Variants in MAGI2 observed in about 807,000 individuals in gnomAD.
MAGI2 encodes the protein membrane associated guanylate kinase, WW and PDZ domain containing 2, also known as membrane-associated guanylate kinase, WW and PDZ domain-containing protein 2.
A neutral mutation model predicts 133.3 loss-of-function variants in MAGI2; 35 were observed. That is an observed-to-expected ratio of 0.26 (90% CI 0.20 to 0.35). MAGI2 has a LOEUF of 0.35. MAGI2 is among the 10% of genes least tolerant of loss of function. MAGI2 has a pLI of 1.00. For missense variants in MAGI2, 1,636 were observed against 1,863.4 expected, an observed-to-expected ratio of 0.88 and a Z score of 2.25; for synonymous variants, 729 against 710.6, an observed-to-expected ratio of 1.03 and a Z score of -0.41.
intron 3 of MAGI2, among the ~76,000 whole-genome samples, chr7:78,626,657 A>G (rs985431713): frequency 3.3e-5 from 5 of 152,052 alleles, no homozygotes; most frequent in Admixed American, 6.6e-5. Context: ...AATTTCGTGT[A>G]GGAGGAAACT....
At chr7:78,844,355 A>G (rs1792402627) in intron 2 of MAGI2, among the ~76,000 whole-genome samples, 3 of 151,842 alleles carry the variant, frequency 2.0e-5, no homozygotes, top group South Asian at 4.1e-4. Flanking sequence ...CTTGTATGTG[A>G]ATGTTCATAG....
At chr7:78,953,917 C>T (rs1445311293) in intron 2 of MAGI2, among the ~76,000 whole-genome samples, 1 of 152,110 alleles carries the variant, frequency 6.6e-6, no homozygotes, top group African/African-American at 2.4e-5. Flanking sequence ...GGAATGATGA[C>T]TTAAATGTTT....
At chr7:78,965,017 A>C (rs2115855151) in intron 2 of MAGI2, among the ~76,000 whole-genome samples, 1 of 152,010 alleles carries the variant, frequency 6.6e-6, no homozygotes, top group African/African-American at 2.4e-5. Context: ...TTAGTGGATA[A>C]AAAAGAGAAA....
At chr7:79,258,987 T>C (rs946175967) in intron 1 of MAGI2, among the ~76,000 whole-genome samples, 5 of 152,220 alleles carry the variant, frequency 3.3e-5, no homozygotes, top group African/African-American at 4.8e-5. Flanking sequence ...ACAGCTGTGA[T>C]GGCTGCTACA....
intron 21 of MAGI2, among the ~76,000 whole-genome samples, chr7:78,057,621 T>C (rs1045688199): frequency 6.6e-6 from 1 of 152,178 alleles, no homozygotes; most frequent in African/African-American, 2.4e-5. Context: ...TTTCTTATGC[T>C]TGTTGGCCAT....
chr7:78,863,173 T>C (rs1377462051), intron 2 of MAGI2, among the ~76,000 whole-genome samples: 3 of 152,192 alleles, frequency 2.0e-5, no homozygotes, highest in Non-Finnish European at 4.4e-5. Context: ...ATGGAACACA[T>C]AAGAAACAGA....
At chr7:78,344,080 A>G in intron 8 of MAGI2, 120 bp from the exon 9 acceptor site, 1 of 745,830 alleles carries the variant, frequency 1.3e-6, no homozygotes, top group South Asian at 2.0e-5. Context: ...GGTCTTATAC[A>G]GCAAATGCAA....
Position 78,737,377 on chromosome 7 carries a change from T to C in MAGI2, c.419-110138A>G, listed in dbSNP as rs117237477. On this transcript the variant is annotated intron_variant, in intron 2 of 21. Transcript: ENST00000354212. ...AAAATGCAAGATACACCATTGGAAT[T>C]AAATTTAACTGAGTACAAAAAATAA... Among the ~76,000 whole-genome samples the C allele has an allele frequency of 7.1e-3, 1,077 of 152,290 alleles. 21 individuals are homozygous for C. The highest frequency in any genetic ancestry group is 0.048 in the South Asian group (230 of 4,820).
intron 2 of MAGI2, among the ~76,000 whole-genome samples, chr7:78,871,487 T>G (rs923358033): frequency 3.9e-5 from 6 of 152,076 alleles, no homozygotes; most frequent in African/African-American, 1.4e-4. Flanking sequence ...CTAGAACTGT[T>G]GAAATAAAAG....
intron 3 of MAGI2, among the ~76,000 whole-genome samples, chr7:78,592,917 C>A (rs1804185238): frequency 6.9e-6 from 1 of 145,458 alleles, no homozygotes. Flanking sequence ...TTACTGCAAC[C>A]TCCACCTCCC....
rs890307877 is a variant in MAGI2 at position 79,054,025 on chromosome 7, G to A, written c.302-46819C>T. The stretch of plus-strand genomic sequence containing the variant: ...CAGCCTGGCCAACATGGTGAAACCC[G>A]CCTCTAGTAAAAATACAAAAATTAG... On this transcript the variant is annotated intron_variant, in intron 1 of 21. Coordinates refer to ENST00000354212, the MANE Select transcript of MAGI2 (RefSeq NM_012301.4). 2.6e-5 allele frequency among the ~76,000 whole-genome samples: 4 copies of A among 152,018 alleles called. 1 individual carries two copies. In the South Asian group the frequency reaches 6.2e-4, roughly 24 times the overall value.
intron 2 of MAGI2, among the ~76,000 whole-genome samples, chr7:78,997,634 T>C (rs1412067648): frequency 1.3e-5 from 2 of 150,980 alleles, no homozygotes; most frequent in Admixed American, 6.6e-5. Context: ...GCAGGATCCA[T>C]GTGTATTTCT....
chr7:79,255,474 G>A (rs1463195880), intron 1 of MAGI2, among the ~76,000 whole-genome samples: 1 of 152,178 alleles, frequency 6.6e-6, no homozygotes, highest in Non-Finnish European at 1.5e-5. Context: ...ACTTAAAAAT[G>A]TGAAACAGTT....
chr7:78,333,040 T>C (rs1341374387), intron 9 of MAGI2, among the ~76,000 whole-genome samples: 1 of 152,238 alleles, frequency 6.6e-6, no homozygotes, highest in East Asian at 1.9e-4. Flanking sequence ...TGTTATGTCA[T>C]GGCAGTTTTA....
At chr7:78,881,426 C>A (rs543019196) in intron 2 of MAGI2, among the ~76,000 whole-genome samples, 1 of 63,934 alleles carries the variant, frequency 1.6e-5, no homozygotes, top group Non-Finnish European at 3.0e-5. Flanking sequence ...CGGGGCCTGT[C>A]GTGGGATGGG....
chr7:78,501,883 T>A (rs1473049974), intron 4 of MAGI2, 96 bp from the exon 5 acceptor site: 2 of 848,122 alleles, frequency 2.4e-6, no homozygotes, highest in East Asian at 2.6e-5. Flanking sequence ...ACGTCATGAA[T>A]AACTTCTATG....
intron 1 of MAGI2, among the ~76,000 whole-genome samples, chr7:79,223,165 G>A (rs1326791207): frequency 6.6e-6 from 1 of 152,002 alleles, no homozygotes; most frequent in African/African-American, 2.4e-5. Context: ...GATTATAGGC[G>A]TGAGCCACTG....
chr7:78,059,711 T>C (rs1220281189), intron 21 of MAGI2, among the ~76,000 whole-genome samples: 1 of 152,006 alleles, frequency 6.6e-6, no homozygotes, highest in African/African-American at 2.4e-5. Flanking sequence ...TAAGTAAGAA[T>C]TTTCAGCTCT....
At position 79,257,518 on chromosome 7, in the gene MAGI2, A is replaced by G. The variant is rs1833776043; in HGVS notation, c.301+195502T>C. Reference sequence around the variant, plus strand: ...CCTAAACTCACTGGCTTAATTTATCAGCTTGAATGGCTCTTTGTCAACCTT... The same window carrying G: ...CCTAAACTCACTGGCTTAATTTATCGGCTTGAATGGCTCTTTGTCAACCTT... On this transcript the variant is annotated intron_variant, in intron 1 of 21. Coordinates refer to ENST00000354212, the MANE Select transcript of MAGI2 (RefSeq NM_012301.4). Among the ~76,000 whole-genome samples the G allele has an allele frequency of 1.3e-5, 2 of 152,214 alleles. 1 individual carries two copies. The highest frequency in any genetic ancestry group is 4.1e-4 in the South Asian group (2 of 4,832).
Sources: gnomAD v4.1 joint callset for allele counts (sites outside exome capture counted in the v4.1 genomes callset) on GRCh38, gnomAD v4.1.1 for gene constraint, MANE v1.5 for transcripts, NCBI Gene and HGNC (gene_info 2026-07-23, HGNC 2026-07-21) for gene names.